The following MACC1 variants were observed in gnomAD, a reference collection of about 807,000 sequenced individuals.
The protein encoded by MACC1 is metastasis-associated in colon cancer protein 1.
A neutral mutation model predicts 70.7 loss-of-function variants in MACC1; 79 were observed. The ratio of observed to expected loss-of-function variants is 1.12; its 90% CI spans 0.93 to 1.35. The LOEUF (loss-of-function observed/expected upper bound fraction) is 1.35. Ranked by LOEUF, MACC1 falls within the 40% of genes most tolerant of loss-of-function variation. The probability of loss-of-function intolerance (pLI) is 0.00; values close to 1 mark genes in which losing one functional copy is unlikely to be tolerated. For synonymous variants in MACC1, 361 were observed against 347.2 expected (o/e 1.04, Z -0.44); for missense variants, 1,106 against 978.1 (o/e 1.13, Z -1.74).
intron 1 of MACC1, among the ~76,000 whole-genome samples, chr7:20,192,823 AC>A (rs1782692755): frequency 1.3e-5 from 2 of 152,206 alleles, no homozygotes; most frequent in South Asian, 4.1e-4. Context: ...AAATCAGAAA[AC>A]ACGGTACTCA....
At chr7:20,215,416 T>C (rs1783054830) in intron 1 of MACC1, among the ~76,000 whole-genome samples, 1 of 152,208 alleles carries the variant, frequency 6.6e-6, no homozygotes, top group African/African-American at 2.4e-5. Flanking sequence ...CACTACACCA[T>C]AGACGGCACT....
At chr7:20,143,579 C>T (rs1781840288) in intron 6 of MACC1, among the ~76,000 whole-genome samples, 1 of 151,786 alleles carries the variant, frequency 6.6e-6, no homozygotes, top group Admixed American at 6.6e-5. Context: ...TTAGTAGAGA[C>T]AGGGTTTCAC....
chr7:20,173,272 C>A (rs1043616618), intron 1 of MACC1, among the ~76,000 whole-genome samples: 1 of 152,152 alleles, frequency 6.6e-6, no homozygotes, highest in African/African-American at 2.4e-5. Flanking sequence ...TATATGGCAG[C>A]TGAAGATGCC....
chr7:20,204,372 T>G (rs1239126200), intron 1 of MACC1, among the ~76,000 whole-genome samples: 1 of 152,184 alleles, frequency 6.6e-6, no homozygotes, highest in East Asian at 1.9e-4. Context: ...GCCAGGATGG[T>G]CTCGATCTCC....
intron 6 of MACC1, among the ~76,000 whole-genome samples, chr7:20,152,156 A>G (rs1199271007): frequency 6.6e-6 from 1 of 152,194 alleles, no homozygotes; most frequent in Non-Finnish European, 1.5e-5. Flanking sequence ...AAGTTAAAGG[A>G]GAGAAAGTAA....
intron 1 of MACC1, among the ~76,000 whole-genome samples, chr7:20,174,559 T>G (rs1249679468): frequency 1.3e-5 from 2 of 152,120 alleles, no homozygotes; most frequent in Non-Finnish European, 2.9e-5. Flanking sequence ...ATATACAGCT[T>G]GCAGAGTTTT....
chr7:20,198,082 G>A (rs1002790268), intron 1 of MACC1, among the ~76,000 whole-genome samples: 2 of 123,982 alleles, frequency 1.6e-5, no homozygotes, highest in Non-Finnish European at 3.5e-5. Context: ...GGCTAATCCA[G>A]GTGGTAAAGG....
Position 20,141,109 on chromosome 7 carries a change from T to C in MACC1, c.2396A>G (p.Tyr799Cys). ...TAACACATCTCTGTAGTTATTTCCA[T>C]AGTGAGCACTCCAGGTATACAGAAA... The part of the protein sequence containing the change: ...YDFLYTWSAH[Y>C]GNNYRDVLQD... Residue 799 changes from tyrosine (Y) to cysteine (C), a missense_variant, in exon 7 of 7, where the codon TAT becomes TGT. Tyr to Cys is a radical substitution (Grantham distance 194). Coordinates refer to ENST00000400331, the MANE Select transcript of MACC1 (RefSeq NM_182762.4). 1.2e-6 allele frequency: 2 copies of C among 1,612,714 alleles called. No individual in the cohort carries two copies. Among genetic ancestry groups the C allele is most frequent in the Non-Finnish European group, 1.7e-6 (2 of 1,179,598 alleles).
At chr7:20,214,733 C>T (rs899111812) in intron 1 of MACC1, among the ~76,000 whole-genome samples, 1 of 152,122 alleles carries the variant, frequency 6.6e-6, no homozygotes, top group Non-Finnish European at 1.5e-5. Context: ...AACAACAAAA[C>T]TTATTTCTGA....
At chr7:20,156,111 A>C (rs1214249331) in intron 5 of MACC1, among the ~76,000 whole-genome samples, 1 of 152,204 alleles carries the variant, frequency 6.6e-6, no homozygotes, top group African/African-American at 2.4e-5. Flanking sequence ...TCAAGAGATG[A>C]CTGAAGGGTT....
intron 3 of MACC1, among the ~76,000 whole-genome samples, chr7:20,163,513 C>T (rs1185601435): frequency 2.0e-5 from 3 of 152,174 alleles, no homozygotes; most frequent in East Asian, 3.8e-4. Context: ...GGATATTCCC[C>T]AGAATATCCT....
intron 1 of MACC1, among the ~76,000 whole-genome samples, chr7:20,171,108 A>G (rs567728277): frequency 1.3e-5 from 2 of 152,324 alleles, no homozygotes; most frequent in African/African-American, 2.4e-5. Flanking sequence ...ATGTGTGCAT[A>G]TATCTATTCA....
chr7:20,155,840 A>AGT (rs1439195304), intron 5 of MACC1, among the ~76,000 whole-genome samples: 1 of 152,168 alleles, frequency 6.6e-6, no homozygotes, highest in Non-Finnish European at 1.5e-5. Flanking sequence ...TAAACTGTGG[A>AGT]GTGGGGTTAC....
chr7:20,161,649 T>G, intron 4 of MACC1, 99 bp downstream of exon 4: 1 of 715,812 alleles, frequency 1.4e-6, no homozygotes. Context: ...ATAATTCTTT[T>G]CATCTTCCAG....
chr7:20,191,471 C>T (rs151240554), intron 1 of MACC1, among the ~76,000 whole-genome samples: 5 of 132,076 alleles, frequency 3.8e-5, no homozygotes, highest in African/African-American at 8.9e-5. Flanking sequence ...GGCGTTGGAA[C>T]TGATGAGGAG....
intron 1 of MACC1, among the ~76,000 whole-genome samples, chr7:20,185,478 A>AT (rs72568455): frequency 0.64 from 68,090 of 106,840 alleles, 16,069 homozygotes; most frequent in East Asian, 0.88. Context: ...TACAAAGTTT[A>AT]TTTAAAAAAA....
At chr7:20,163,958 A>C (rs1231920718) in intron 3 of MACC1, among the ~76,000 whole-genome samples, 1 of 152,148 alleles carries the variant, frequency 6.6e-6, no homozygotes, top group Non-Finnish European at 1.5e-5. Context: ...TTATTCAGAG[A>C]TGAAGTCTCG....
chr7:20,211,202 T>C (rs1782991492), intron 1 of MACC1, among the ~76,000 whole-genome samples: 1 of 152,150 alleles, frequency 6.6e-6, no homozygotes, highest in African/African-American at 2.4e-5. Context: ...ACATAAGGAT[T>C]CCTGGGAATC....
At position 20,158,783 on chromosome 7, in the gene MACC1, T is replaced by C. The variant is rs1782093462; in HGVS notation, c.1578A>G (p.Glu526=). The C allele has an allele frequency of 7.4e-6, 12 of 1,614,140 alleles. No homozygotes were observed. Among genetic ancestry groups the C allele is most frequent in the Non-Finnish European group, 1.0e-5 (12 of 1,180,028 alleles). Reference sequence around the variant, plus strand: ...TTGGTGATAAAGGAGCAGACTTGATTTCCTCCTTCTTCTGCAAATAGCCTG... The same window carrying C: ...TTGGTGATAAAGGAGCAGACTTGATCTCCTCCTTCTTCTGCAAATAGCCTG... The part of the protein sequence containing the change: ...NLPGYLQKKE[E]IKSAPLSPKI... The change falls in exon 5 of 7, where the codon GAA becomes GAG. Residue 526 remains glutamate (E), a synonymous_variant. Coordinates refer to ENST00000400331, the MANE Select transcript of MACC1 (RefSeq NM_182762.4).
Sources: gnomAD v4.1 joint callset for allele counts (sites outside exome capture counted in the v4.1 genomes callset) on GRCh38, gnomAD v4.1.1 for gene constraint, MANE v1.5 for transcripts, NCBI Gene and HGNC (gene_info 2026-07-23, HGNC 2026-07-21) for gene names.